Variants in LRRC8C observed in about 807,000 individuals in gnomAD.
LRRC8C encodes volume-regulated anion channel subunit LRRC8C.
A neutral mutation model predicts 55.3 loss-of-function variants in LRRC8C; 20 were observed. The observed-to-expected ratio is 0.36, with a 90% CI of 0.25 to 0.53. The LOEUF (loss-of-function observed/expected upper bound fraction) is 0.53, where lower values mean the gene tolerates loss of function less well. LRRC8C is among the 20% of genes least tolerant of loss of function. The pLI is 0.92. For missense variants in LRRC8C, 659 were observed against 951.4 expected (o/e 0.69, Z 4.04); for synonymous variants, 376 against 360.7 (o/e 1.04, Z -0.48).
chr1:89,694,649 A>G (rs558287118), intron 2 of LRRC8C, among the ~76,000 whole-genome samples: 2 of 127,922 alleles, frequency 1.6e-5, no homozygotes, highest in South Asian at 2.5e-4. Flanking sequence ...GAATGTGTGC[A>G]TTGGCATGAT....
chr1:89,618,156 G>A, the LRRC8C span, among the ~76,000 whole-genome samples: 50 of 152,262 alleles, frequency 3.3e-4, no homozygotes, highest in African/African-American at 9.9e-4. Flanking sequence ...GTTTGAGCAC[G>A]CTAATCCCAT....
chr1:89,648,740 C>T (rs1410784369), intron 1 of LRRC8C, among the ~76,000 whole-genome samples: 3 of 152,080 alleles, frequency 2.0e-5, no homozygotes, highest in South Asian at 2.1e-4. Context: ...TAGCTATTAC[C>T]CCTGCTCCCC....
rs148090493 is a variant in LRRC8C at position 89,712,776 on chromosome 1, C to T, written c.206C>T (p.Ser69Leu). The change falls in exon 3 of 3, where the codon TCG (serine) becomes TTG (leucine). Residue 69 changes from serine to leucine, a missense_variant. By Grantham distance (145) the Ser-to-Leu change is moderately radical. Around this residue, in one of 5 missense-constraint regions of LRRC8C, gnomAD observed 82 missense variants for 71.4 expected, o/e 1.15. Coordinates refer to ENST00000370454, the MANE Select transcript of LRRC8C (RefSeq NM_032270.5). ...CCTGCTCAGAACCACTCTTCCCTTT[C>T]GAATGTCTCTCAAGCAGTTGCCAGT... ...VQPAQNHSSL[S>L]NVSQAVASTT... is the part of the protein sequence containing the mutation. 3.2e-5 allele frequency: 51 copies of T among 1,614,186 alleles called. 1 individual carries two copies. In the Admixed American group the frequency reaches 5.3e-4, roughly 17 times the overall value.
At chr1:89,617,784 C>T in the LRRC8C span, among the ~76,000 whole-genome samples, 6 of 152,150 alleles carry the variant, frequency 3.9e-5, no homozygotes, top group Non-Finnish European at 7.4e-5. Flanking sequence ...ATGACCCTCT[C>T]AGGTTCAGTC....
At chr1:89,678,655 G>A (rs572161606) in intron 1 of LRRC8C, among the ~76,000 whole-genome samples, 1 of 151,282 alleles carries the variant, frequency 6.6e-6, no homozygotes. Flanking sequence ...AGCCAAGATC[G>A]CGCCATTGCA....
chr1:89,645,994 C>G (rs1214291568), intron 1 of LRRC8C, among the ~76,000 whole-genome samples: 1 of 75,946 alleles, frequency 1.3e-5, no homozygotes, highest in Non-Finnish European at 2.7e-5. Context: ...GATATGGTTA[C>G]TTAGAACTTG....
intron 1 of LRRC8C, among the ~76,000 whole-genome samples, chr1:89,662,707 G>A (rs1657152109): frequency 6.6e-6 from 1 of 152,134 alleles, no homozygotes; most frequent in Admixed American, 6.5e-5. Flanking sequence ...ACTCCAGTAA[G>A]GGACCTGAAT....
intron 1 of LRRC8C, among the ~76,000 whole-genome samples, chr1:89,645,537 G>A (rs1359095245): frequency 9.2e-5 from 14 of 152,084 alleles, no homozygotes; most frequent in East Asian, 3.8e-4. Flanking sequence ...CCACAAGCAG[G>A]TTAAGTACAA....
chr1:89,668,721 G>C (rs1034927944), intron 1 of LRRC8C, among the ~76,000 whole-genome samples: 1 of 152,168 alleles, frequency 6.6e-6, no homozygotes, highest in Non-Finnish European at 1.5e-5. Context: ...TCCAATCTTG[G>C]AGAAATTATT....
intron 1 of LRRC8C, among the ~76,000 whole-genome samples, chr1:89,638,964 C>CTTT (rs1557645048): frequency 0.082 from 3,910 of 47,518 alleles, 189 homozygotes; most frequent in African/African-American, 0.2. Context: ...TTTTATTTTA[C>CTTT]TTATTATTTT....
At chr1:89,706,461 G>C (rs1272276146) in intron 2 of LRRC8C, 2 of 410,604 alleles carry the variant, frequency 4.9e-6, no homozygotes, top group Non-Finnish European at 9.6e-6. Flanking sequence ...GTGTCATCCT[G>C]ATGTGTCTTA....
At chr1:89,686,416 C>A (rs1456242017) in intron 1 of LRRC8C, 54 bp from the exon 2 acceptor site, 1 of 1,586,970 alleles carries the variant, frequency 6.3e-7, no homozygotes, top group Non-Finnish European at 8.6e-7. Flanking sequence ...GGTAACAATG[C>A]AGTATGTTGT....
the LRRC8C span, among the ~76,000 whole-genome samples, chr1:89,620,353 A>C: frequency 6.6e-6 from 1 of 152,210 alleles, no homozygotes; most frequent in African/African-American, 2.4e-5. Context: ...TACAGAAAAG[A>C]AAGTGTGAGA....
rs768405271 is a variant in LRRC8C, at chr1:89,686,588, G to A, written c.115G>A (p.Gly39Ser). ...DYLSVAMLMI[G>S]VFGCTLQVMQ... ...CCTCTCAGTAGCCATGCTCATGATCGGCGTGTTTGGATGTACTTTACAGGT... is the reference window on the plus strand; with the variant it reads ...CCTCTCAGTAGCCATGCTCATGATCAGCGTGTTTGGATGTACTTTACAGGT... Residue 39 changes from glycine to serine, a missense_variant, in exon 2 of 3, where the codon GGC becomes AGC. Around this residue, in one of 5 missense-constraint regions of LRRC8C, gnomAD observed 17 missense variants for 38.2 expected, o/e 0.44. Transcript: ENST00000370454. 61 of 1,613,948 alleles carry A rather than the reference G, an allele frequency of 3.8e-5. No individual in the cohort carries two copies. Among genetic ancestry groups the A allele is most frequent in the Middle Eastern group, 1.6e-4 (1 of 6,084 alleles).
intron 2 of LRRC8C, among the ~76,000 whole-genome samples, chr1:89,687,139 A>G (rs919572508): frequency 6.6e-6 from 1 of 152,204 alleles, no homozygotes; most frequent in African/African-American, 2.4e-5. Context: ...CATAGCTGCT[A>G]TGTTCCAGGT....
At chr1:89,683,552 T>C (rs1048819046) in intron 1 of LRRC8C, among the ~76,000 whole-genome samples, 1 of 152,158 alleles carries the variant, frequency 6.6e-6, no homozygotes, top group East Asian at 1.9e-4. Flanking sequence ...GAGTTGGGGT[T>C]TCACCATGTT....
intron 1 of LRRC8C, among the ~76,000 whole-genome samples, chr1:89,655,097 C>G (rs1341517347): frequency 6.6e-6 from 1 of 152,050 alleles, no homozygotes; most frequent in Non-Finnish European, 1.5e-5. Context: ...GTGTCATTTT[C>G]TCCTTTCACT....
At chr1:89,635,335 T>G (rs1397890486) in intron 1 of LRRC8C, among the ~76,000 whole-genome samples, 4 of 152,172 alleles carry the variant, frequency 2.6e-5, no homozygotes, top group Non-Finnish European at 4.4e-5. Context: ...GTGGAAACTA[T>G]ATTTATTTTG....
At chr1:89,666,619 G>A (rs528546701) in intron 1 of LRRC8C, among the ~76,000 whole-genome samples, 3 of 152,250 alleles carry the variant, frequency 2.0e-5, no homozygotes, top group Middle Eastern at 3.4e-3. Flanking sequence ...ATGAGAAAAT[G>A]CAGAGTAGTA....
Sources: gnomAD v4.1 joint callset for allele counts (sites outside exome capture counted in the v4.1 genomes callset) on GRCh38, gnomAD v4.1.1 for gene constraint, gnomAD v4.1.1 regional missense constraint, MANE v1.5 for transcripts, NCBI Gene and HGNC (gene_info 2026-07-23, HGNC 2026-07-21) for gene names.